The following FSTL4 variants were observed in gnomAD, a reference collection of about 807,000 sequenced individuals.
FSTL4 encodes the protein follistatin-related protein 4.
A neutral mutation model predicts 78.2 loss-of-function variants in FSTL4; 28 were observed. The ratio of observed to expected loss-of-function variants is 0.36; its 90% CI spans 0.27 to 0.49. FSTL4 has a LOEUF of 0.49. FSTL4 is among the 20% of genes least tolerant of loss of function. The pLI, the probability that FSTL4 is intolerant of heterozygous loss-of-function variation, is 0.98. For synonymous variants in FSTL4, 422 were observed against 440.5 expected, an observed-to-expected ratio of 0.96 and a Z score of 0.53; for missense variants, 922 against 1,084.9, an observed-to-expected ratio of 0.85 and a Z score of 2.11.
At chr5:133,632,967 T>C in the FSTL4 span, among the ~76,000 whole-genome samples, 8 of 152,210 alleles carry the variant, frequency 5.3e-5, no homozygotes, top group Admixed American at 1.3e-4. Flanking sequence ...GAATTACAGA[T>C]GTGTACCACT....
chr5:133,362,534 G>A (rs1439422600), intron 4 of FSTL4, among the ~76,000 whole-genome samples: 4 of 152,246 alleles, frequency 2.6e-5, no homozygotes, highest in Admixed American at 6.5e-5. Flanking sequence ...CACCCAGCAC[G>A]TAGCCTGAGC....
chr5:133,464,564 A>C (rs1173120592), intron 3 of FSTL4, among the ~76,000 whole-genome samples: 2 of 152,194 alleles, frequency 1.3e-5, no homozygotes, highest in Admixed American at 6.5e-5. Context: ...CTGTGGCACA[A>C]GCAACTCTCC....
At chr5:133,331,795 G>A (rs1455717102) in intron 4 of FSTL4, among the ~76,000 whole-genome samples, 1 of 152,156 alleles carries the variant, frequency 6.6e-6, no homozygotes, top group Non-Finnish European at 1.5e-5. Context: ...GCCATTTCGG[G>A]AGATCTTTGG....
chr5:133,523,406 C>T (rs570151269), intron 3 of FSTL4, among the ~76,000 whole-genome samples: 3 of 152,240 alleles, frequency 2.0e-5, no homozygotes, highest in South Asian at 2.1e-4. Flanking sequence ...CCTGGAGCTG[C>T]GTGGGTGCAG....
intron 3 of FSTL4, among the ~76,000 whole-genome samples, chr5:133,436,995 T>A (rs1019431352): frequency 3.3e-5 from 5 of 152,198 alleles, no homozygotes; most frequent in African/African-American, 1.2e-4. Context: ...AAAATATTAA[T>A]GATGGATTGG....
At chr5:133,546,314 C>G (rs111484602) in intron 3 of FSTL4, among the ~76,000 whole-genome samples, 103 of 152,068 alleles carry the variant, frequency 6.8e-4, no homozygotes, top group African/African-American at 2.3e-3. Flanking sequence ...CGAGACCAGC[C>G]TGGCCACACG....
chr5:133,437,497 T>TG (rs1354593851), intron 3 of FSTL4, among the ~76,000 whole-genome samples: 39 of 146,472 alleles, frequency 2.7e-4, no homozygotes, highest in Admixed American at 6.7e-4. Flanking sequence ...TTTTTTTTTT[T>TG]TTTTTTTTTT....
At chr5:133,425,402 G>A (rs967847619) in intron 3 of FSTL4, among the ~76,000 whole-genome samples, 6 of 152,174 alleles carry the variant, frequency 3.9e-5, no homozygotes, top group Non-Finnish European at 8.8e-5. Context: ...ACCGCGCATC[G>A]CCAAACCCTC....
intron 2 of FSTL4, among the ~76,000 whole-genome samples, chr5:133,579,927 C>G (rs1204162768): frequency 6.6e-6 from 1 of 152,084 alleles, no homozygotes; most frequent in Non-Finnish European, 1.5e-5. Flanking sequence ...CAGGCTGGAG[C>G]CTCTGAGAAG....
chr5:133,716,758 G>A, the FSTL4 span, among the ~76,000 whole-genome samples: 30 of 152,176 alleles, frequency 2.0e-4, no homozygotes, highest in African/African-American at 6.5e-4. Context: ...GGGAACACAG[G>A]AGTGAGCAAA....
At chr5:133,482,991 T>C (rs1758060651) in intron 3 of FSTL4, among the ~76,000 whole-genome samples, 1 of 152,174 alleles carries the variant, frequency 6.6e-6, no homozygotes, top group Non-Finnish European at 1.5e-5. Flanking sequence ...CACCCAAATC[T>C]CATCTTGAAT....
the FSTL4 span, among the ~76,000 whole-genome samples, chr5:133,734,772 C>A: frequency 6.6e-6 from 1 of 152,172 alleles, no homozygotes; most frequent in Non-Finnish European, 1.5e-5. Context: ...TCTTCTATTT[C>A]TTCTGCTCTG....
At chr5:133,515,405 GA>G (rs767128281) in intron 3 of FSTL4, among the ~76,000 whole-genome samples, 89 of 134,980 alleles carry the variant, frequency 6.6e-4, no homozygotes, top group Middle Eastern at 3.8e-3. Flanking sequence ...AAAAGGAAAG[GA>G]AAAAAAAAAA....
chr5:133,357,084 C>T (rs557773445), intron 4 of FSTL4, among the ~76,000 whole-genome samples: 1 of 152,354 alleles, frequency 6.6e-6, no homozygotes, highest in Admixed American at 6.5e-5. Flanking sequence ...AAGCCCTGGA[C>T]AGACCCCGGG....
intron 6 of FSTL4, among the ~76,000 whole-genome samples, chr5:133,280,893 T>C (rs1752993006): frequency 6.6e-6 from 1 of 152,302 alleles, no homozygotes; most frequent in South Asian, 2.1e-4. Flanking sequence ...CTTTACATTA[T>C]CCCTCAGACA....
At chr5:133,393,156 G>A (rs370163659) in intron 4 of FSTL4, among the ~76,000 whole-genome samples, 3 of 151,934 alleles carry the variant, frequency 2.0e-5, no homozygotes, top group Middle Eastern at 3.4e-3. Flanking sequence ...TGTCAGTTCA[G>A]TGAAGTCCTA....
intron 3 of FSTL4, among the ~76,000 whole-genome samples, chr5:133,481,756 A>G (rs1234226645): frequency 6.6e-6 from 1 of 152,196 alleles, no homozygotes; most frequent in Admixed American, 6.5e-5. Context: ...AGTCTGATGA[A>G]GAAGCCAACA....
chr5:133,387,419 G>C (rs970552125), intron 4 of FSTL4, among the ~76,000 whole-genome samples: 1 of 152,152 alleles, frequency 6.6e-6, no homozygotes, highest in African/African-American at 2.4e-5. Flanking sequence ...CCGTGAATGA[G>C]AATGTGTATT....
At chr5:133,262,988 G>C (rs548456161) in intron 6 of FSTL4, among the ~76,000 whole-genome samples, 12 of 152,306 alleles carry the variant, frequency 7.9e-5, no homozygotes, top group East Asian at 5.8e-4. Context: ...GCTCTGGACC[G>C]AGCATGGCTC....
Sources: allele counts gnomAD v4.1 joint callset (sites outside exome capture counted in the v4.1 genomes callset), GRCh38; gene constraint gnomAD v4.1.1; transcripts MANE v1.5; gene names NCBI Gene and HGNC (gene_info 2026-07-23, HGNC 2026-07-21).